Variants in CCDC85A observed in about 807,000 individuals in gnomAD.
CCDC85A encodes the protein coiled-coil domain-containing protein 85A.
A neutral mutation model predicts 50.2 loss-of-function variants in CCDC85A; 38 were observed. The observed-to-expected ratio is 0.76, with a 90% CI of 0.58 to 0.99. CCDC85A has a LOEUF of 0.99. CCDC85A is among the 50% of genes least tolerant of loss of function. The pLI, the probability that CCDC85A is intolerant of heterozygous loss-of-function variation, is 0.00. For synonymous variants in CCDC85A, 366 were observed against 301.4 expected (o/e 1.21, Z -2.22); for missense variants, 820 against 742.0 (o/e 1.11, Z -1.22).
chr2:56,296,504 C>T (rs1671955870), intron 2 of CCDC85A, among the ~76,000 whole-genome samples: 1 of 152,252 alleles, frequency 6.6e-6, no homozygotes, highest in Middle Eastern at 3.4e-3. Flanking sequence ...TTATTTTTTA[C>T]TTACATGGAG....
chr2:56,207,873 A>G (rs535152552), intron 2 of CCDC85A, among the ~76,000 whole-genome samples: 19 of 152,268 alleles, frequency 1.2e-4, no homozygotes, highest in Non-Finnish European at 2.1e-4. Context: ...GAAACATAAT[A>G]TTTATATTTG....
chr2:56,320,999 T>C (rs1673154265), intron 2 of CCDC85A, among the ~76,000 whole-genome samples: 1 of 152,104 alleles, frequency 6.6e-6, no homozygotes, highest in African/African-American at 2.4e-5. Flanking sequence ...TGCAAATCAA[T>C]AAACGTAATC....
chr2:56,353,294 C>T (rs1002668264), intron 3 of CCDC85A, among the ~76,000 whole-genome samples: 3 of 152,130 alleles, frequency 2.0e-5, no homozygotes, highest in Non-Finnish European at 4.4e-5. Context: ...ACATGCAGTC[C>T]CCTTAATGTT....
At chr2:56,212,002 A>G (rs1016502064) in intron 2 of CCDC85A, among the ~76,000 whole-genome samples, 1 of 152,042 alleles carries the variant, frequency 6.6e-6, no homozygotes, top group Non-Finnish European at 1.5e-5. Flanking sequence ...TACATTACAC[A>G]GGAGGGCCTG....
chr2:56,381,014 C>T (rs1317300792), intron 5 of CCDC85A, among the ~76,000 whole-genome samples: 1 of 152,126 alleles, frequency 6.6e-6, no homozygotes, highest in Non-Finnish European at 1.5e-5. Flanking sequence ...GCATCAACCT[C>T]CTCGAGGTGT....
chr2:56,222,597 C>T lies in CCDC85A; in HGVS notation c.1240+29157C>T, dbSNP rs970209931. On this transcript the variant is annotated intron_variant, in intron 2 of 5. Transcript: ENST00000407595. ...GCCCTCCAGCTATTAGGGAACCCATCATGGGTAATCGAGCCATGGAGAGTT... is the reference window on the plus strand; with the variant it reads ...GCCCTCCAGCTATTAGGGAACCCATTATGGGTAATCGAGCCATGGAGAGTT... Among the ~76,000 whole-genome samples the T allele has an allele frequency of 2.0e-5, 3 of 152,090 alleles. No individual in the cohort carries two copies. The East Asian group carries it at 5.8e-4, about 29-fold the overall frequency.
At position 56,372,371 on chromosome 2, in the gene CCDC85A, A is replaced by C; in HGVS notation, c.1345A>C (p.Thr449Pro). Residue 449 changes from threonine (T) to proline (P), a missense_variant, in exon 4 of 6, where the codon ACT becomes CCT. By Grantham distance (38) the Thr-to-Pro change is conservative. Transcript: ENST00000407595. ...CAGCCAGAATAGAAGGCAACCTCCA[A>C]CTAGAAACAGCTCAAATATGGAGAA... ...QASQNRRQPP[T>P]RNSSNMEKGW... The C allele has an allele frequency of 6.3e-7, 1 of 1,589,830 alleles. No homozygotes were observed. The highest frequency in any genetic ancestry group is 8.6e-7 in the Non-Finnish European group (1 of 1,167,588).
chr2:56,343,216 A>C (rs1474685436), intron 3 of CCDC85A, among the ~76,000 whole-genome samples: 3 of 152,206 alleles, frequency 2.0e-5, no homozygotes, highest in Admixed American at 6.5e-5. Context: ...GAGAAGGATA[A>C]AATAATGAGA....
intron 2 of CCDC85A, among the ~76,000 whole-genome samples, chr2:56,262,974 T>G (rs926606884): frequency 4.6e-5 from 7 of 151,832 alleles, no homozygotes; most frequent in African/African-American, 1.5e-4. Flanking sequence ...CAGAGAACAT[T>G]TTTTTTTTCA....
At chr2:56,301,687 C>A (rs1672211210) in intron 2 of CCDC85A, among the ~76,000 whole-genome samples, 1 of 152,034 alleles carries the variant, frequency 6.6e-6, no homozygotes, top group East Asian at 1.9e-4. Context: ...AATGGCTCAA[C>A]AAAAGGTGGA....
intron 2 of CCDC85A, among the ~76,000 whole-genome samples, chr2:56,198,351 G>C (rs1676608568): frequency 1.3e-5 from 2 of 152,220 alleles, no homozygotes; most frequent in Admixed American, 1.3e-4. Context: ...TGGAACACCA[G>C]AACTGATTTT....
rs114241963 is a variant in CCDC85A, at chr2:56,344,556, G to A, written c.1317+1601G>A. Among the ~76,000 whole-genome samples the A allele has an allele frequency of 6.1e-4, 93 of 152,254 alleles. No homozygotes were observed. In the Middle Eastern group the frequency reaches 0.01, roughly 17 times the overall value. On this transcript the variant is annotated intron_variant, in intron 3 of 5. Coordinates refer to ENST00000407595, the MANE Select transcript of CCDC85A (RefSeq NM_001080433.2). ...CTGTACTTCTATCTCTTCTCAAACT[G>A]TACATGTGTTAAAATTCATGATGAC...
intron 1 of CCDC85A, among the ~76,000 whole-genome samples, chr2:56,191,835 G>A (rs1676307416): frequency 6.6e-6 from 1 of 152,230 alleles, no homozygotes; most frequent in African/African-American, 2.4e-5. Flanking sequence ...CCTACCAGGG[G>A]AATTGGGGCT....
chr2:56,239,627 G>A (rs933060625), intron 2 of CCDC85A, among the ~76,000 whole-genome samples: 7 of 152,152 alleles, frequency 4.6e-5, no homozygotes, highest in African/African-American at 1.4e-4. Flanking sequence ...CAGTGTTTCT[G>A]AGGGTGAGTT....
chr2:56,287,067 C>T (rs954529241), intron 2 of CCDC85A, among the ~76,000 whole-genome samples: 41 of 152,150 alleles, frequency 2.7e-4, no homozygotes, highest in Admixed American at 2.2e-3. Context: ...CTGACTGAAC[C>T]AGGGCTCCAA....
At chr2:56,263,490 G>A (rs1442948467) in intron 2 of CCDC85A, among the ~76,000 whole-genome samples, 2 of 152,148 alleles carry the variant, frequency 1.3e-5, no homozygotes, top group African/African-American at 4.8e-5. Flanking sequence ...TGTCTGCTCA[G>A]AGCCCTGGCC....
chr2:56,245,816 T>C (rs1358621876), intron 2 of CCDC85A, among the ~76,000 whole-genome samples: 1 of 152,172 alleles, frequency 6.6e-6, no homozygotes, highest in African/African-American at 2.4e-5. Flanking sequence ...TTTGGGCAGC[T>C]TGCCCTTCTG....
Position 56,197,302 on chromosome 2 carries a change from C to T in CCDC85A, c.1240+3862C>T, listed in dbSNP as rs148779620. Among the ~76,000 whole-genome samples the T allele has an allele frequency of 2.7e-3, 416 of 151,952 alleles. 1 individual carries two copies. The highest frequency in any genetic ancestry group is 9.1e-3 in the African/African-American group (375 of 41,274). ...AAGGAGGTTCAGTAGCATCCCTGGG[C>T]TTTACCTCTGAGCATCCCCCTAGTT... On this transcript the variant is annotated intron_variant, in intron 2 of 5. Transcript: ENST00000407595.
intron 3 of CCDC85A, among the ~76,000 whole-genome samples, chr2:56,367,291 C>A (rs931637973): frequency 2.0e-4 from 30 of 152,070 alleles, no homozygotes; most frequent in African/African-American, 6.8e-4. Context: ...AATTCTGTTT[C>A]TTTTATTGGA....
Sources: allele counts gnomAD v4.1 joint callset (sites outside exome capture counted in the v4.1 genomes callset), GRCh38; gene constraint gnomAD v4.1.1; transcripts MANE v1.5; gene names NCBI Gene and HGNC (gene_info 2026-07-23, HGNC 2026-07-21).